HDAC9: variants seen among roughly 807,000 people sequenced by gnomAD.
HDAC9 encodes MEF-2 interacting transcription repressor (MITR) protein.
Under a neutral mutation model 139.4 loss-of-function variants are expected in HDAC9, and 41 were observed. The observed-to-expected ratio is 0.29, with a 90% CI of 0.23 to 0.38. The LOEUF (loss-of-function observed/expected upper bound fraction) is 0.38. HDAC9 is among the 10% of genes least tolerant of loss of function. The probability of loss-of-function intolerance (pLI) is 1.00; values close to 1 mark genes in which losing one functional copy is unlikely to be tolerated. For missense variants in HDAC9, 1,147 were observed against 1,297.0 expected, an observed-to-expected ratio of 0.88 and a Z score of 1.78; for synonymous variants, 517 against 476.2, an observed-to-expected ratio of 1.09 and a Z score of -1.12.
At position 18,975,971 on chromosome 7, in the gene HDAC9, G is replaced by T; in HGVS notation, c.3170+18G>T. 6.2e-7 allele frequency: 1 copy of T among 1,611,052 alleles called. No individual in the cohort carries two copies. Among genetic ancestry groups the T allele is most frequent in the African/African-American group, 1.3e-5 (1 of 75,006 alleles). On this transcript the variant is annotated intron_variant, in intron 25 of 25. Coordinates refer to ENST00000686413, the MANE Select transcript of HDAC9 (RefSeq NM_178425.4). ...GACAGCAGGTATGAATCCAACGTGCGGGAATAATCCGGGTCAGTCATATCC... is the reference window on the plus strand; with the variant it reads ...GACAGCAGGTATGAATCCAACGTGCTGGAATAATCCGGGTCAGTCATATCC...
At chr7:18,665,411 T>C (rs1348264183) in intron 11 of HDAC9, among the ~76,000 whole-genome samples, 10 of 152,172 alleles carry the variant, frequency 6.6e-5, no homozygotes, top group Non-Finnish European at 1.5e-4. Flanking sequence ...TATTTTGCTA[T>C]TGTTTAAGTT....
At chr7:18,182,443 A>G (rs2128141812) in intron 2 of HDAC9, among the ~76,000 whole-genome samples, 1 of 152,316 alleles carries the variant, frequency 6.6e-6, no homozygotes, top group East Asian at 1.9e-4. Flanking sequence ...TGACGGGAAA[A>G]CAGACAAACA....
intron 2 of HDAC9, among the ~76,000 whole-genome samples, chr7:18,169,633 C>G (rs1788268042): frequency 6.6e-6 from 1 of 152,132 alleles, no homozygotes; most frequent in African/African-American, 2.4e-5. Flanking sequence ...ACGACAGGCC[C>G]CGGTGTGTGA....
At chr7:18,767,071 T>G (rs1255132187) in intron 15 of HDAC9, 35 bp from the exon 16 acceptor site, 10 of 1,029,430 alleles carry the variant, frequency 9.7e-6, no homozygotes, top group African/African-American at 1.7e-5. Flanking sequence ...ATAACCTCCA[T>G]TTATCTATAT....
chr7:18,270,520 G>T (rs970657443), intron 2 of HDAC9, among the ~76,000 whole-genome samples: 2 of 152,114 alleles, frequency 1.3e-5, no homozygotes, highest in African/African-American at 4.8e-5. Context: ...CATTTCTTTT[G>T]TGGGATACTA....
intron 1 of HDAC9, among the ~76,000 whole-genome samples, chr7:18,134,590 T>C (rs1785259936): frequency 6.6e-6 from 1 of 152,184 alleles, no homozygotes; most frequent in Non-Finnish European, 1.5e-5. Context: ...AGCAGATCAG[T>C]TGTAAGTTAT....
chr7:18,502,409 T>A (rs370329945), intron 2 of HDAC9: 1 of 152,288 alleles, frequency 6.6e-6, no homozygotes, highest in East Asian at 1.9e-4. Context: ...TGCTCAAGTT[T>A]CTATTGGGAA....
At chr7:18,874,789 AG>A (rs1388149759) in intron 22 of HDAC9, among the ~76,000 whole-genome samples, 193 bp downstream of exon 22, 2 of 152,154 alleles carry the variant, frequency 1.3e-5, no homozygotes, top group African/African-American at 4.8e-5. Context: ...ACAAAGTTAA[AG>A]TGCTTTGTTT....
intron 11 of HDAC9, among the ~76,000 whole-genome samples, chr7:18,656,023 A>G (rs895814455): frequency 6.6e-6 from 1 of 151,874 alleles, no homozygotes; most frequent in African/African-American, 2.4e-5. Flanking sequence ...TGTAGACATG[A>G]AAACTGCCAG....
At chr7:18,487,054 T>C (rs552921796) in intron 1 of HDAC9, among the ~76,000 whole-genome samples, 5 of 152,082 alleles carry the variant, frequency 3.3e-5, no homozygotes, top group South Asian at 4.1e-4. Context: ...AGCAAGGGCT[T>C]CTATCTCCCT....
intron 15 of HDAC9, among the ~76,000 whole-genome samples, chr7:18,762,875 T>A (rs1400387038): frequency 6.6e-6 from 1 of 152,186 alleles, no homozygotes; most frequent in Non-Finnish European, 1.5e-5. Context: ...ATCGTCAGAT[T>A]TTAAAATAAA....
chr7:18,859,212 C>T (rs1045783210), intron 21 of HDAC9, among the ~76,000 whole-genome samples: 1 of 152,158 alleles, frequency 6.6e-6, no homozygotes, highest in African/African-American at 2.4e-5. Context: ...TTCTTAACTT[C>T]ATGCCTGGCA....
chr7:18,335,123 A>G (rs1781490817), intron 1 of HDAC9, among the ~76,000 whole-genome samples: 1 of 151,504 alleles, frequency 6.6e-6, no homozygotes, highest in Non-Finnish European at 1.5e-5. Context: ...CTTCATATTG[A>G]AAGTGAGAAT....
At chr7:18,290,994 G>A (rs1034307158) in intron 1 of HDAC9, among the ~76,000 whole-genome samples, 2 of 152,120 alleles carry the variant, frequency 1.3e-5, no homozygotes, top group African/African-American at 2.4e-5. Flanking sequence ...AAAATAGAGT[G>A]AATAGTATAG....
chr7:18,233,569 C>T (rs1793614723), intron 2 of HDAC9, among the ~76,000 whole-genome samples: 1 of 152,050 alleles, frequency 6.6e-6, no homozygotes, highest in Non-Finnish European at 1.5e-5. Context: ...GTTGGTTTCT[C>T]CAAGGATTTG....
intron 11 of HDAC9, among the ~76,000 whole-genome samples, chr7:18,659,975 T>G (rs1339671637): frequency 6.6e-6 from 1 of 152,144 alleles, no homozygotes; most frequent in Non-Finnish European, 1.5e-5. Flanking sequence ...TCAGTGACAG[T>G]ACAAATTAGA....
At chr7:18,855,974 C>T (rs1289950407) in intron 21 of HDAC9, among the ~76,000 whole-genome samples, 1 of 152,112 alleles carries the variant, frequency 6.6e-6, no homozygotes, top group Non-Finnish European at 1.5e-5. Flanking sequence ...TGACTCTGCA[C>T]TGGGATAGAT....
At chr7:18,813,801 A>T (rs1425660173) in intron 17 of HDAC9, among the ~76,000 whole-genome samples, 1 of 152,182 alleles carries the variant, frequency 6.6e-6, no homozygotes. Context: ...ATAAACACTT[A>T]AAAACTTTGG....
At chr7:18,993,280 T>C (rs1786148290) in intron 25 of HDAC9, among the ~76,000 whole-genome samples, 1 of 152,234 alleles carries the variant, frequency 6.6e-6, no homozygotes, top group African/African-American at 2.4e-5. Flanking sequence ...GTATAAATCA[T>C]GTTTTCTTAC....
Sources: gnomAD v4.1 joint callset for allele counts (sites outside exome capture counted in the v4.1 genomes callset) on GRCh38, gnomAD v4.1.1 for gene constraint, MANE v1.5 for transcripts, NCBI Gene and HGNC (gene_info 2026-07-23, HGNC 2026-07-21) for gene names.